The following NRCAM variants were observed in gnomAD, a reference collection of about 807,000 sequenced individuals.
NRCAM encodes NgCAM-related cell adhesion molecule.
In NRCAM, 83 loss-of-function variants were observed where a neutral mutation model predicts 156.5. The ratio of observed to expected loss-of-function variants is 0.53; its 90% confidence interval spans 0.44 to 0.64. The LOEUF is 0.64. Ranked by LOEUF, NRCAM falls within the 30% of genes least tolerant of loss-of-function variation. The pLI is 0.00. For synonymous variants in NRCAM, 538 were observed against 563.9 expected (o/e 0.95, Z 0.65); for missense variants, 1,417 against 1,597.3 (o/e 0.89, Z 1.92).
chr7:108,294,859 G>A (rs1320576348), intron 3 of NRCAM, among the ~76,000 whole-genome samples: 4 of 152,090 alleles, frequency 2.6e-5, no homozygotes, highest in African/African-American at 9.7e-5. Flanking sequence ...AGCCATCTCT[G>A]GTGCCAAGTT....
chr7:108,392,638 A>G (rs1280783756), intron 2 of NRCAM, among the ~76,000 whole-genome samples: 6 of 151,942 alleles, frequency 3.9e-5, no homozygotes, highest in Non-Finnish European at 5.9e-5. Flanking sequence ...TTTGGAGAAG[A>G]TGTGCTCTGA....
intron 1 of NRCAM, among the ~76,000 whole-genome samples, chr7:108,418,554 A>C (rs1804702539): frequency 8.0e-6 from 1 of 125,560 alleles, no homozygotes; most frequent in African/African-American, 3.1e-5. Context: ...TCTGGTATAC[A>C]TATTATACAC....
In NRCAM at chr7:108,191,768, GA is replaced by G; in HGVS notation, c.1863del (p.Leu622TrpfsTer32). On this transcript the variant is annotated frameshift_variant, in exon 18 of 33. Transcript: ENST00000379028. LOFTEE classifies it high-confidence loss of function. ...SGTYTCVANT[T>X]LDSVSASAVL... ...ACAGCGCTGGCGGAGACGCTGTCCAGAGTGGTGTTGGCCACACACGTGTAGG... is the reference window on the plus strand; with the variant it reads ...ACAGCGCTGGCGGAGACGCTGTCCAGGTGGTGTTGGCCACACACGTGTAGG... 1 of 1,614,026 alleles carries G rather than the reference GA, an allele frequency of 6.2e-7. No individual in the cohort carries two copies. Among genetic ancestry groups the G allele is most frequent in the Non-Finnish European group, 8.5e-7 (1 of 1,179,988 alleles).
intron 3 of NRCAM, among the ~76,000 whole-genome samples, chr7:108,301,337 G>A (rs2098607054): frequency 1.3e-5 from 2 of 152,164 alleles, no homozygotes; most frequent in Admixed American, 6.5e-5. Flanking sequence ...CTTTTCCACA[G>A]ACAACATTTA....
intron 3 of NRCAM, among the ~76,000 whole-genome samples, chr7:108,261,304 C>A (rs1251601548): frequency 6.6e-6 from 1 of 152,172 alleles, no homozygotes. Flanking sequence ...TTTCCTGAAG[C>A]CCAAGCACTG....
At chr7:108,355,737 T>C (rs1274070295) in intron 2 of NRCAM, among the ~76,000 whole-genome samples, 1 of 152,166 alleles carries the variant, frequency 6.6e-6, no homozygotes, top group African/African-American at 2.4e-5. Flanking sequence ...GATCTATTCT[T>C]GACATCCAAC....
At chr7:108,412,234 T>C (rs1796269332) in intron 1 of NRCAM, among the ~76,000 whole-genome samples, 1 of 145,152 alleles carries the variant, frequency 6.9e-6, no homozygotes, top group Non-Finnish European at 1.5e-5. Flanking sequence ...CATGAGCAAC[T>C]TTCTAGATTG....
intron 1 of NRCAM, among the ~76,000 whole-genome samples, chr7:108,432,655 C>A (rs1315057630): frequency 3.9e-5 from 6 of 152,226 alleles, no homozygotes; most frequent in Admixed American, 3.9e-4. Flanking sequence ...GTAATCCCAG[C>A]ACTTCGGGAG....
chr7:108,355,514 A>C (rs989363863), intron 2 of NRCAM, among the ~76,000 whole-genome samples: 2 of 152,248 alleles, frequency 1.3e-5, no homozygotes, highest in Non-Finnish European at 2.9e-5. Flanking sequence ...TGATGTATAC[A>C]ATAGTACCCC....
At chr7:108,373,953 G>C (rs1006308194) in intron 2 of NRCAM, among the ~76,000 whole-genome samples, 40 of 152,098 alleles carry the variant, frequency 2.6e-4, no homozygotes, top group Non-Finnish European at 7.4e-5. Flanking sequence ...CCCATCAATA[G>C]AGAGTACAAA....
chr7:108,242,746 C>T (rs2095619850), intron 3 of NRCAM, among the ~76,000 whole-genome samples: 1 of 152,058 alleles, frequency 6.6e-6, no homozygotes, highest in African/African-American at 2.4e-5. Context: ...GCCAAGTTCT[C>T]CAGACAGAGG....
intron 3 of NRCAM, among the ~76,000 whole-genome samples, chr7:108,276,740 A>C (rs1194372138): frequency 6.6e-6 from 1 of 152,126 alleles, no homozygotes; most frequent in Non-Finnish European, 1.5e-5. Flanking sequence ...TTTACATTTA[A>C]GGATAATATT....
intron 3 of NRCAM, among the ~76,000 whole-genome samples, chr7:108,257,611 A>C (rs762481737): frequency 6.6e-6 from 1 of 151,364 alleles, no homozygotes; most frequent in Non-Finnish European, 1.5e-5. Flanking sequence ...ACAGCAGCCT[A>C]CTCTAATGAA....
chr7:108,257,120 A>C (rs1248597499), intron 3 of NRCAM, among the ~76,000 whole-genome samples: 4 of 151,658 alleles, frequency 2.6e-5, no homozygotes, highest in African/African-American at 4.9e-5. Context: ...AAAGAAAAGA[A>C]GAGAAAGGAA....
chr7:108,157,377 T>C (rs2046148470), intron 32 of NRCAM, among the ~76,000 whole-genome samples: 1 of 152,060 alleles, frequency 6.6e-6, no homozygotes, highest in Admixed American at 6.6e-5. Flanking sequence ...GTAAACACAG[T>C]GCTTATGAGG....
chr7:108,313,193 G>C (rs2098827829), intron 2 of NRCAM: 1 of 152,130 alleles, frequency 6.6e-6, no homozygotes, highest in African/African-American at 2.4e-5. Context: ...GATTTGAGGA[G>C]TGAGTTCCAC....
At chr7:108,257,043 G>A in intron 3 of NRCAM, among the ~76,000 whole-genome samples, 3 of 124,326 alleles carry the variant, frequency 2.4e-5, no homozygotes, top group South Asian at 3.1e-4. Flanking sequence ...AAAAAGAAAA[G>A]AAGGAAGGGA....
rs200296612 is a variant in NRCAM, at chr7:108,184,619, T to A, written c.2036-5A>T. On this transcript the variant is annotated splice_polypyrimidine_tract_variant and splice_region_variant and intron_variant, in intron 20 of 32. Coordinates refer to ENST00000379028, the MANE Select transcript of NRCAM (RefSeq NM_001037132.4). ...CTTCATATTCGATGATGAATTCTGGTCACGACACACACACACCAAACCCAA... is the reference window on the plus strand; with the variant it reads ...CTTCATATTCGATGATGAATTCTGGACACGACACACACACACCAAACCCAA... 7.3e-5 allele frequency: 118 copies of A among 1,611,160 alleles called. No homozygotes were observed. The highest frequency in any genetic ancestry group is 9.3e-5 in the Non-Finnish European group (110 of 1,179,414).
chr7:108,304,437 T>A (rs544973677), intron 3 of NRCAM, among the ~76,000 whole-genome samples: 2 of 152,114 alleles, frequency 1.3e-5, no homozygotes, highest in East Asian at 3.9e-4. Context: ...AGTCAATTTA[T>A]ACATATACAT....
Sources: allele counts gnomAD v4.1 joint callset (sites outside exome capture counted in the v4.1 genomes callset), GRCh38; gene constraint gnomAD v4.1.1; transcripts MANE v1.5; gene names NCBI Gene and HGNC (gene_info 2026-07-23, HGNC 2026-07-21).